ZDHHC11B: variants seen among roughly 807,000 people sequenced by gnomAD.
ZDHHC11B encodes zDHHC palmitoyltransferase 11B (putative), also known as probable palmitoyltransferase ZDHHC11B.
In ZDHHC11B, 17 loss-of-function variants were observed where a neutral mutation model predicts 42.3. That is an observed-to-expected ratio of 0.40 (90% CI 0.27 to 0.60). ZDHHC11B has a LOEUF of 0.60. Ranked by LOEUF, ZDHHC11B falls within the 20% of genes least tolerant of loss-of-function variation. The probability of loss-of-function intolerance (pLI) is 0.41; values close to 1 mark genes in which losing one functional copy is unlikely to be tolerated. For synonymous variants in ZDHHC11B, 123 were observed against 193.5 expected, an observed-to-expected ratio of 0.64 and a Z score of 3.02; for missense variants, 262 against 463.2, an observed-to-expected ratio of 0.57 and a Z score of 3.99.
chr5:770,657 C>A (rs1255413617), intron 1 of ZDHHC11B, among the ~76,000 whole-genome samples: 5 of 152,032 alleles, frequency 3.3e-5, no homozygotes, highest in Non-Finnish European at 7.4e-5. Context: ...GAGCCTCTGA[C>A]CTTAGATGGA....
intron 1 of ZDHHC11B, among the ~76,000 whole-genome samples, chr5:776,879 A>C (rs1736544017): frequency 6.6e-6 from 1 of 151,826 alleles, no homozygotes; most frequent in African/African-American, 2.4e-5. Flanking sequence ...TTTCACTATC[A>C]TCGCACGGCC....
intron 1 of ZDHHC11B, among the ~76,000 whole-genome samples, chr5:775,538 C>A (rs1240650551): frequency 6.6e-6 from 1 of 151,926 alleles, no homozygotes; most frequent in African/African-American, 2.4e-5. Flanking sequence ...ACACTCAACC[C>A]AAACCTTCTG....
Position 761,986 on chromosome 5 carries a change from G to C in ZDHHC11B, c.222+4712C>G, listed in dbSNP as rs921475357. ...GTCCTGGCTGGCCACTCACAGCCATGATGGCCACTCACAGCCAAGAGGGCC... is the reference window on the plus strand; with the variant it reads ...GTCCTGGCTGGCCACTCACAGCCATCATGGCCACTCACAGCCAAGAGGGCC... On this transcript the variant is annotated intron_variant, in intron 4 of 13. Coordinates refer to ENST00000508859, the MANE Select transcript of ZDHHC11B (RefSeq NM_001351303.2). Among the ~76,000 whole-genome samples the C allele has an allele frequency of 1.9e-4, 28 of 149,936 alleles. 1 individual carries two copies. The highest frequency in any genetic ancestry group is 6.6e-4 in the African/African-American group (27 of 40,776).
chr5:756,384 C>A (rs1422376619), intron 4 of ZDHHC11B, among the ~76,000 whole-genome samples: 2 of 151,376 alleles, frequency 1.3e-5, no homozygotes, highest in African/African-American at 4.9e-5. Context: ...CCAGCCCCGT[C>A]CACTCGGCCC....
intron 12 of ZDHHC11B, among the ~76,000 whole-genome samples, chr5:724,150 A>C (rs1224513554): frequency 6.6e-6 from 1 of 151,638 alleles, no homozygotes; most frequent in African/African-American, 2.4e-5. Context: ...TCCCTCACTC[A>C]GTTCCCCTTG....
chr5:780,992 CAG>C (rs1299646268), intron 1 of ZDHHC11B, among the ~76,000 whole-genome samples: 6 of 147,048 alleles, frequency 4.1e-5, no homozygotes, highest in Non-Finnish European at 7.4e-5. Flanking sequence ...GCCCTGGGCT[CAG>C]GGGGAGGGGC....
At chr5:750,551 C>A (rs1368978825) in intron 7 of ZDHHC11B, among the ~76,000 whole-genome samples, 7 of 130,760 alleles carry the variant, frequency 5.4e-5, no homozygotes, top group African/African-American at 7.6e-5. Flanking sequence ...GGCCCATTTC[C>A]CGAGGATGCT....
intron 12 of ZDHHC11B, among the ~76,000 whole-genome samples, chr5:728,847 C>T (rs1742788297): frequency 6.6e-6 from 1 of 151,772 alleles, no homozygotes; most frequent in Admixed American, 6.6e-5. Flanking sequence ...CATGGTGACA[C>T]CCCATCTCTA....
At chr5:733,436 C>T (rs1232010442) in intron 11 of ZDHHC11B, among the ~76,000 whole-genome samples, 5 of 151,688 alleles carry the variant, frequency 3.3e-5, no homozygotes, top group South Asian at 2.1e-4. Flanking sequence ...CACTGTCCCT[C>T]GCTGCATGTT....
chr5:774,160 G>A lies in ZDHHC11B; in HGVS notation c.-229-5230C>T, dbSNP rs1386251347. On this transcript the variant is annotated intron_variant, in intron 1 of 13. Coordinates refer to ENST00000508859, the MANE Select transcript of ZDHHC11B (RefSeq NM_001351303.2). ...CACAGGCTGTTCCTGTTCCCAAGAGGCCCCACGGAAAATCACCTGGGCCCC... is the reference window on the plus strand; with the variant it reads ...CACAGGCTGTTCCTGTTCCCAAGAGACCCCACGGAAAATCACCTGGGCCCC... 2.6e-5 allele frequency among the ~76,000 whole-genome samples: 4 copies of A among 152,060 alleles called. No individual in the cohort carries two copies. The East Asian group carries it at 7.7e-4, about 29-fold the overall frequency.
chr5:737,437 C>G lies in ZDHHC11B; in HGVS notation c.936-3598G>C, dbSNP rs191529139. Among the ~76,000 whole-genome samples, 16 of 149,028 alleles carry G rather than the reference C, an allele frequency of 1.1e-4. 1 individual carries two copies. The highest frequency in any genetic ancestry group is 3.7e-4 in the African/African-American group (15 of 40,002). On this transcript the variant is annotated intron_variant, in intron 10 of 13. Transcript: ENST00000508859. ...TTACAAAAGATAAGAGGGAATCGTC[C>G]ATAAATCGTTCCATGAAGCCAGTAT...
At chr5:730,773 C>T (rs2937594) in intron 11 of ZDHHC11B, among the ~76,000 whole-genome samples, 8 of 151,524 alleles carry the variant, frequency 5.3e-5, no homozygotes, top group East Asian at 1.9e-4. Flanking sequence ...GATGAGGCTA[C>T]TAGAGTGAGC....
At chr5:724,800 A>G (rs867926037) in intron 12 of ZDHHC11B, among the ~76,000 whole-genome samples, 311 of 148,280 alleles carry the variant, frequency 2.1e-3, no homozygotes, top group African/African-American at 7.6e-3. Context: ...TTACAAAAAA[A>G]TAAAAAACAA....
chr5:716,618 T>G (rs1278532721), intron 13 of ZDHHC11B, among the ~76,000 whole-genome samples, 183 bp downstream of exon 13: 1 of 151,810 alleles, frequency 6.6e-6, no homozygotes, highest in African/African-American at 2.4e-5. Flanking sequence ...TCGGCTGCCA[T>G]GCACTACTTC....
At chr5:743,414 ATT>A (rs1190309610) in intron 9 of ZDHHC11B, among the ~76,000 whole-genome samples, 1 of 147,832 alleles carries the variant, frequency 6.8e-6, no homozygotes, top group African/African-American at 2.5e-5. Flanking sequence ...TTGCATATAC[ATT>A]TTAGGACCAC....
rs551163486 is a variant in ZDHHC11B at position 775,040 on chromosome 5, G to A, written c.-229-6110C>T. On this transcript the variant is annotated intron_variant, in intron 1 of 13. Coordinates refer to ENST00000508859, the MANE Select transcript of ZDHHC11B (RefSeq NM_001351303.2). ...GGTCAAAGCTGGAGGCAGGAGCCAT[G>A]GAGTCAGTGGGAGCTACTACCCCTC... 8.4e-3 allele frequency among the ~76,000 whole-genome samples: 1,274 copies of A among 151,764 alleles called. 41 individuals are homozygous for A. Among genetic ancestry groups the A allele is most frequent in the African/African-American group, 0.029 (1,180 of 41,202 alleles).
In ZDHHC11B at chr5:760,145, G is replaced by A. The variant is rs1167127654; in HGVS notation, c.223-4001C>T. Among the ~76,000 whole-genome samples the A allele has an allele frequency of 2.6e-5, 4 of 151,932 alleles. 1 individual carries two copies. In the East Asian group the frequency reaches 5.8e-4, roughly 22 times the overall value. On this transcript the variant is annotated intron_variant, in intron 4 of 13. Coordinates refer to ENST00000508859, the MANE Select transcript of ZDHHC11B (RefSeq NM_001351303.2). ...CAGAGGCACGCGTGGCCGAGCCACG[G>A]GCCAAAGGAAGAGTGGAGAGAAGGG...
At chr5:759,931 G>C (rs1194648610) in intron 4 of ZDHHC11B, among the ~76,000 whole-genome samples, 1 of 151,914 alleles carries the variant, frequency 6.6e-6, no homozygotes, top group East Asian at 1.9e-4. Context: ...GCCCGAGGGG[G>C]TCGCTGAGGT....
intron 7 of ZDHHC11B, among the ~76,000 whole-genome samples, chr5:750,666 A>T (rs1298130459): frequency 2.4e-5 from 3 of 123,872 alleles, no homozygotes; most frequent in African/African-American, 8.1e-5. Context: ...CCCGAGGCCC[A>T]GGCTCCGGGC....
Sources: allele counts gnomAD v4.1 joint callset (sites outside exome capture counted in the v4.1 genomes callset), GRCh38; gene constraint gnomAD v4.1.1; transcripts MANE v1.5; gene names NCBI Gene and HGNC (gene_info 2026-07-23, HGNC 2026-07-21).